Variants in PPM1B observed in about 807,000 individuals in gnomAD.
PPM1B encodes protein phosphatase 1B.
In PPM1B, 22 loss-of-function variants were observed where a neutral mutation model predicts 43.0. The ratio of observed to expected loss-of-function variants is 0.51; its 90% CI spans 0.37 to 0.73. The LOEUF (loss-of-function observed/expected upper bound fraction) is 0.73. PPM1B is among the 30% of genes least tolerant of loss of function. The pLI is 0.00. For synonymous variants in PPM1B, 217 were observed against 197.9 expected (o/e 1.10, Z -0.81); for missense variants, 632 against 584.2 (o/e 1.08, Z -0.84).
In PPM1B at chr2:44,240,588, T is replaced by A. The variant is rs1007711466; in HGVS notation, n.1547-3640T>A. 3.4e-5 allele frequency among the ~76,000 whole-genome samples: 5 copies of A among 146,172 alleles called. 1 individual carries two copies. The highest frequency in any genetic ancestry group is 4.1e-4 in the East Asian group (2 of 4,920). Reference sequence around the variant, plus strand: ...AAAATATCTAAAATTTAAAAAAAAATTTATCTTGATTACTTGCCATTCCTT... The same window carrying A: ...AAAATATCTAAAATTTAAAAAAAAAATTATCTTGATTACTTGCCATTCCTT... On this transcript the variant is annotated intron_variant and non_coding_transcript_variant, in intron 5 of 5. Transcript: ENST00000378540.
At chr2:44,242,684 T>G in intron 5 of PPM1B, among the ~76,000 whole-genome samples, 1 of 152,208 alleles carries the variant, frequency 6.6e-6, no homozygotes. Flanking sequence ...AATTCCCAAT[T>G]ATTTGATTAC....
In PPM1B at chr2:44,174,478, T is replaced by TC. The variant is rs541852370; in HGVS notation, c.-15+5205dup. The stretch of plus-strand genomic sequence containing the variant: ...ACGTAGAATGGCCTTCACTTCAGAA[T>TC]CAGTTGTGAATGAAAAGTACATTTG... On this transcript the variant is annotated intron_variant, in intron 1 of 5. Transcript: ENST00000282412. Among the ~76,000 whole-genome samples, 92 of 152,348 alleles carry TC rather than the reference T, an allele frequency of 6.0e-4. 1 individual carries two copies. The South Asian group carries it at 0.019, about 31-fold the overall frequency.
Position 44,201,166 on chromosome 2 carries a change from A to C in PPM1B, c.-14-20A>C. 1 of 1,554,036 alleles carries C rather than the reference A, an allele frequency of 6.4e-7. No individual in the cohort carries two copies. The highest frequency in any genetic ancestry group is 1.9e-5 in the Admixed American group (1 of 53,370). On this transcript the variant is annotated intron_variant, in intron 1 of 5. Coordinates refer to ENST00000282412, the MANE Select transcript of PPM1B (RefSeq NM_002706.6). This position sits in a 1 kb window ranked among gnomAD's most constrained non-coding sequence, Gnocchi z 5.4. ...TTTCTGTCAAATTTAAACATTTAAC[A>C]CCTGCATTTTTTATTTCAGATTTAT...
chr2:44,177,412 A>T (rs1572682008), intron 1 of PPM1B, among the ~76,000 whole-genome samples: 1 of 136,786 alleles, frequency 7.3e-6, no homozygotes, highest in African/African-American at 2.7e-5. Flanking sequence ...GTGAAAGTGA[A>T]ATAACCTTTT....
intron 2 of PPM1B, among the ~76,000 whole-genome samples, chr2:44,208,149 A>C (rs535021608): frequency 6.6e-6 from 1 of 151,824 alleles, no homozygotes; most frequent in African/African-American, 2.4e-5. Flanking sequence ...CAGCCTCCCA[A>C]AGTGCTGGGA....
In PPM1B at chr2:44,201,458, G is replaced by T; in HGVS notation, c.259G>T (p.Ala87Ser). 1 of 1,614,200 alleles carries T rather than the reference G, an allele frequency of 6.2e-7. No homozygotes were observed. The highest frequency in any genetic ancestry group is 8.5e-7 in the Non-Finnish European group (1 of 1,180,030). ...CATCACTACTAACGAAGACTTTAGGGCAGCTGGAAAATCAGGATCTGCTCT... is the reference window on the plus strand; with the variant it reads ...CATCACTACTAACGAAGACTTTAGGTCAGCTGGAAAATCAGGATCTGCTCT... ...EHITTNEDFR[A>S]AGKSGSALEL... The change falls in exon 2 of 6, where the codon GCA (alanine) becomes TCA (serine). Residue 87 changes from alanine (A) to serine (S), a missense_variant. Transcript: ENST00000282412. This position sits in a 1 kb window ranked among gnomAD's most constrained non-coding sequence, Gnocchi z 5.4.
chr2:44,182,234 A>G (rs1208008266), intron 1 of PPM1B, among the ~76,000 whole-genome samples: 1 of 152,040 alleles, frequency 6.6e-6, no homozygotes, highest in African/African-American at 2.4e-5. Context: ...GGGAAATACT[A>G]GTAATTTCTT....
At position 44,201,139 on chromosome 2, in the gene PPM1B, A is replaced by G; in HGVS notation, c.-14-47A>G. 2 of 1,496,086 alleles carry G rather than the reference A, an allele frequency of 1.3e-6. No individual in the cohort carries two copies. Among genetic ancestry groups the G allele is most frequent in the Non-Finnish European group, 1.8e-6 (2 of 1,107,858 alleles). 92.7% of individuals were successfully genotyped at this position (1,496,086 alleles called of 1,614,324 possible). On this transcript the variant is annotated intron_variant, in intron 1 of 5. Transcript: ENST00000282412. This position sits in a 1 kb window ranked among gnomAD's most constrained non-coding sequence, Gnocchi z 5.4. ...ACTATAGAGGGAATATTGTACATAC[A>G]TTTTCTGTCAAATTTAAACATTTAA...
intron 1 of PPM1B, among the ~76,000 whole-genome samples, chr2:44,200,907 A>G (rs1024559457): frequency 2.6e-5 from 4 of 152,184 alleles, no homozygotes; most frequent in African/African-American, 9.7e-5. Context: ...GTGGCTGCAC[A>G]TACAAGTCAC....
chr2:44,194,574 T>A (rs945251387), intron 1 of PPM1B, among the ~76,000 whole-genome samples: 5 of 151,912 alleles, frequency 3.3e-5, no homozygotes, highest in African/African-American at 4.8e-5. Context: ...ATAGAAAAAA[T>A]TAGCCAGGCG....
At chr2:44,180,945 G>A (rs944566005) in intron 1 of PPM1B, among the ~76,000 whole-genome samples, 1 of 151,966 alleles carries the variant, frequency 6.6e-6, no homozygotes, top group Non-Finnish European at 1.5e-5. Flanking sequence ...ACATCAAGGT[G>A]GAAGAAGTGT....
chr2:44,211,007 G>T (rs1669438409), intron 3 of PPM1B, among the ~76,000 whole-genome samples: 1 of 151,964 alleles, frequency 6.6e-6, no homozygotes, highest in African/African-American at 2.4e-5. Flanking sequence ...GTGGTGGCAG[G>T]TGCCTGTAAT....
At chr2:44,179,779 C>A (rs997189793) in intron 1 of PPM1B, among the ~76,000 whole-genome samples, 1 of 152,002 alleles carries the variant, frequency 6.6e-6, no homozygotes, top group Admixed American at 6.6e-5. Flanking sequence ...GAGGCCGAGG[C>A]GGGTGGATCA....
intron 1 of PPM1B, among the ~76,000 whole-genome samples, chr2:44,189,460 C>G (rs1015648363): frequency 2.0e-5 from 3 of 152,054 alleles, no homozygotes; most frequent in Non-Finnish European, 4.4e-5. Flanking sequence ...TCCTTCCATT[C>G]TTTTTTATTT....
At position 44,187,785 on chromosome 2, in the gene PPM1B, T is replaced by G. The variant is rs747180821; in HGVS notation, c.-14-13401T>G. Among the ~76,000 whole-genome samples, 3 of 152,326 alleles carry G rather than the reference T, an allele frequency of 2.0e-5. No homozygotes were observed. The East Asian group carries it at 5.8e-4, about 29-fold the overall frequency. On this transcript the variant is annotated intron_variant, in intron 1 of 5. Transcript: ENST00000282412. ...TTTTTTTTGAAATGGAGTCTTGCTCTGTCGCCCAGGCTGGAGTGCAGTGGT... is the reference window on the plus strand; with the variant it reads ...TTTTTTTTGAAATGGAGTCTTGCTCGGTCGCCCAGGCTGGAGTGCAGTGGT...
chr2:44,213,878 G>A (rs1047235102), intron 3 of PPM1B: 1 of 152,098 alleles, frequency 6.6e-6, no homozygotes, highest in Non-Finnish European at 1.5e-5. Context: ...TGGGGTTGCA[G>A]ATTGCTGACT....
chr2:44,177,896 T>G (rs1667662289), intron 1 of PPM1B, among the ~76,000 whole-genome samples: 1 of 151,422 alleles, frequency 6.6e-6, no homozygotes, highest in African/African-American at 2.4e-5. Context: ...TAGTATTCCA[T>G]TGTATGATTA....
chr2:44,187,944 G>GT (rs1171061363), intron 1 of PPM1B, among the ~76,000 whole-genome samples: 2 of 152,078 alleles, frequency 1.3e-5, no homozygotes, highest in Non-Finnish European at 2.9e-5. Context: ...TAGAGACGGG[G>GT]TTTCACCATG....
At chr2:44,197,817 T>C (rs1438360167) in intron 1 of PPM1B, among the ~76,000 whole-genome samples, 1 of 152,222 alleles carries the variant, frequency 6.6e-6, no homozygotes, top group Admixed American at 6.5e-5. Flanking sequence ...TAAGTTGTTA[T>C]TAGAATTAAA....
Sources: allele counts gnomAD v4.1 joint callset (sites outside exome capture counted in the v4.1 genomes callset), GRCh38; gene constraint gnomAD v4.1.1; non-coding constraint Gnocchi (gnomAD v3.1); transcripts MANE v1.5; gene names NCBI Gene and HGNC (gene_info 2026-07-23, HGNC 2026-07-21).